Variants in VIT observed in about 807,000 individuals in gnomAD.
VIT encodes the protein vitrin.
A neutral mutation model predicts 78.0 loss-of-function variants in VIT; 99 were observed. The ratio of observed to expected loss-of-function variants is 1.27; its 90% CI spans 1.08 to 1.50. The LOEUF is 1.50. VIT is among the 40% of genes most tolerant of loss of function. The pLI is 0.00. For synonymous variants in VIT, 374 were observed against 334.3 expected, an observed-to-expected ratio of 1.12 and a Z score of -1.29; for missense variants, 1,126 against 875.3, an observed-to-expected ratio of 1.29 and a Z score of -3.61.
Position 36,778,071 on chromosome 2 carries a change from C to A in VIT, c.802+3004C>A, listed in dbSNP as rs561635657. On this transcript the variant is annotated intron_variant, in intron 9 of 15. Coordinates refer to ENST00000379242, the MANE Select transcript of VIT (RefSeq NM_053276.4). ...CAGCCACAGATATAAATTCATGCAC[C>A]CCCCATTTAAGCTGAAGCTCTCATA... Among the ~76,000 whole-genome samples, 3 of 152,222 alleles carry A rather than the reference C, an allele frequency of 2.0e-5. No homozygotes were observed. The South Asian group carries it at 6.2e-4, about 32-fold the overall frequency.
At chr2:36,779,516 T>C (rs1664593510) in intron 9 of VIT, among the ~76,000 whole-genome samples, 1 of 152,194 alleles carries the variant, frequency 6.6e-6, no homozygotes, top group African/African-American at 2.4e-5. Flanking sequence ...TGCAGGTTTG[T>C]TACATAAGTA....
chr2:36,700,379 GTGA>G (rs1240346444), intron 1 of VIT, among the ~76,000 whole-genome samples: 2 of 152,068 alleles, frequency 1.3e-5, no homozygotes, highest in African/African-American at 2.4e-5. Context: ...GATGTTGGTG[GTGA>G]TGATGATGAT....
At chr2:36,711,057 C>T (rs561729077) in intron 1 of VIT, among the ~76,000 whole-genome samples, 1 of 152,330 alleles carries the variant, frequency 6.6e-6, no homozygotes, top group East Asian at 1.9e-4. Flanking sequence ...TCCACATCCT[C>T]ACCAACACTT....
chr2:36,709,310 T>C (rs1665656094), intron 1 of VIT, among the ~76,000 whole-genome samples: 1 of 152,184 alleles, frequency 6.6e-6, no homozygotes, highest in Non-Finnish European at 1.5e-5. Flanking sequence ...TTCCTAGCCT[T>C]GGAAAGTCCG....
chr2:36,750,969 C>G lies in VIT; in HGVS notation c.276-3952C>G, dbSNP rs545638633. 2.6e-5 allele frequency among the ~76,000 whole-genome samples: 4 copies of G among 152,204 alleles called. No homozygotes were observed. In the East Asian group the frequency reaches 5.8e-4, roughly 22 times the overall value. On this transcript the variant is annotated intron_variant, in intron 4 of 15. Transcript: ENST00000379242. ...GAGGTATCAAAAAGCTAATTAAATT[C>G]CTAGTTAGGGCTACGCGTGGTGGCT...
rs371210480 is a variant in VIT, at chr2:36,814,394, C to T, written c.*33C>T. 1.2e-6 allele frequency: 2 copies of T among 1,609,996 alleles called. No individual in the cohort carries two copies. The highest frequency in any genetic ancestry group is 1.7e-6 in the Non-Finnish European group (2 of 1,177,708). On this transcript the variant is annotated 3_prime_UTR_variant, in exon 16 of 16. Coordinates refer to ENST00000379242, the MANE Select transcript of VIT (RefSeq NM_053276.4). Reference sequence around the variant, plus strand: ...GCAGGCAGAGCACCAGCAAGTGCTGCTTTACTAACTGACGTGTTGGACCAC... The same window carrying T: ...GCAGGCAGAGCACCAGCAAGTGCTGTTTTACTAACTGACGTGTTGGACCAC...
intron 3 of VIT, among the ~76,000 whole-genome samples, chr2:36,732,767 G>T (rs1667286601): frequency 6.6e-6 from 1 of 152,170 alleles, no homozygotes. Context: ...CCACATAAGT[G>T]CTAGGACAAG....
intron 7 of VIT, among the ~76,000 whole-genome samples, chr2:36,770,060 C>T (rs1669654412): frequency 1.3e-5 from 2 of 152,220 alleles, no homozygotes; most frequent in East Asian, 1.9e-4. Flanking sequence ...AAAGATTTTT[C>T]CTCTTATATA....
At chr2:36,808,171 A>G (rs145189075) in intron 14 of VIT, among the ~76,000 whole-genome samples, 1 of 152,370 alleles carries the variant, frequency 6.6e-6, no homozygotes, top group East Asian at 1.9e-4. Flanking sequence ...CCGGAGAAGC[A>G]TAAATGTGAA....
chr2:36,697,199 A>G lies in VIT; in HGVS notation c.-19+226A>G, dbSNP rs567549256. Among the ~76,000 whole-genome samples, 209 of 152,346 alleles carry G rather than the reference A, an allele frequency of 1.4e-3. 5 individuals are homozygous for G. In the South Asian group the frequency reaches 0.023, roughly 17 times the overall value. On this transcript the variant is annotated intron_variant, in intron 1 of 15. Transcript: ENST00000379242. ...AATAAACTGCATTGATATTAATATT[A>G]TAACAAGATTTTTACTGTTCCTTTA...
chr2:36,703,981 G>A (rs1279310920), intron 1 of VIT, among the ~76,000 whole-genome samples: 1 of 142,692 alleles, frequency 7.0e-6, no homozygotes, highest in Admixed American at 7.6e-5. Context: ...CTGGAGTGCA[G>A]TGGCACGATC....
chr2:36,724,515 C>T (rs1032329723), intron 2 of VIT, among the ~76,000 whole-genome samples: 1 of 152,154 alleles, frequency 6.6e-6, no homozygotes, highest in Non-Finnish European at 1.5e-5. Context: ...TTACCATTTC[C>T]AGTGTAGCAA....
At chr2:36,797,040 G>C (rs1393211108) in intron 12 of VIT, among the ~76,000 whole-genome samples, 1 of 150,486 alleles carries the variant, frequency 6.6e-6, no homozygotes, top group African/African-American at 2.5e-5. Flanking sequence ...ATTTATTATT[G>C]TCAGTGTCAA....
At chr2:36,759,165 A>G (rs1359697575) in intron 6 of VIT, 119 bp downstream of exon 6, 3 of 1,596,126 alleles carry the variant, frequency 1.9e-6, no homozygotes, top group East Asian at 2.3e-5. Context: ...CTCTGGCAAT[A>G]TTTTAACAGA....
chr2:36,705,308 T>C (rs1665345553), intron 1 of VIT, among the ~76,000 whole-genome samples: 9 of 152,180 alleles, frequency 5.9e-5, no homozygotes, highest in Admixed American at 4.6e-4. Context: ...TAGAGCTCAT[T>C]TGGGGCATGC....
At chr2:36,716,953 T>C (rs1335393077) in intron 2 of VIT, among the ~76,000 whole-genome samples, 1 of 140,324 alleles carries the variant, frequency 7.1e-6, no homozygotes, top group African/African-American at 2.6e-5. Context: ...CTCGGCTCAC[T>C]GCAACCTCTG....
chr2:36,803,299 A>G (rs888897674), intron 13 of VIT, among the ~76,000 whole-genome samples: 1 of 152,256 alleles, frequency 6.6e-6, no homozygotes, highest in African/African-American at 2.4e-5. Context: ...ATCTCATGCA[A>G]GTGCATCAAT....
chr2:36,743,312 G>A, intron 4 of VIT, 56 bp downstream of exon 4: 2 of 1,471,696 alleles, frequency 1.4e-6, no homozygotes, highest in Non-Finnish European at 1.8e-6. Context: ...TTGGCAGGGA[G>A]CCCCCATGCA....
chr2:36,759,109 G>T (rs1668953641), intron 6 of VIT, 63 bp downstream of exon 6: 2 of 1,614,024 alleles, frequency 1.2e-6, no homozygotes. Context: ...ACGTGTTTTG[G>T]GAGATAGCGG....
Sources: gnomAD v4.1 joint callset for allele counts (sites outside exome capture counted in the v4.1 genomes callset) on GRCh38, gnomAD v4.1.1 for gene constraint, MANE v1.5 for transcripts, NCBI Gene and HGNC (gene_info 2026-07-23, HGNC 2026-07-21) for gene names.